The following CDC7 variants were observed in gnomAD, a reference collection of about 807,000 sequenced individuals.
CDC7 encodes the protein cell division cycle 7-related protein kinase.
Under a neutral mutation model 53.5 loss-of-function variants are expected in CDC7, and 34 were observed. The observed-to-expected ratio is 0.64, with a 90% CI of 0.48 to 0.85. The LOEUF (loss-of-function observed/expected upper bound fraction) is 0.85. CDC7 is among the 40% of genes least tolerant of loss of function. The pLI is 0.00. For synonymous variants in CDC7, 211 were observed against 222.8 expected, an observed-to-expected ratio of 0.95 and a Z score of 0.47; for missense variants, 594 against 679.7, an observed-to-expected ratio of 0.87 and a Z score of 1.40.
rs926515299 is a variant in CDC7 at position 91,520,864 on chromosome 1, A to G, written c.1330+585A>G. Among the ~76,000 whole-genome samples, 6 of 152,206 alleles carry G rather than the reference A, an allele frequency of 3.9e-5. No individual in the cohort carries two copies. In the East Asian group the frequency reaches 7.7e-4, roughly 20 times the overall value. On this transcript the variant is annotated intron_variant, in intron 11 of 11. Transcript: ENST00000234626. ...ACTGATGGGATATTATTGTAAGCAT[A>G]TATTGGACTTGGATGTCATCTCCTT...
chr1:91,516,910 C>A (rs1667588372), intron 10 of CDC7, among the ~76,000 whole-genome samples: 1 of 152,038 alleles, frequency 6.6e-6, no homozygotes. Context: ...ACTAAAAATA[C>A]AAAAATCAGC....
intron 2 of CDC7, among the ~76,000 whole-genome samples, chr1:91,504,173 T>C (rs1031792120): frequency 2.0e-5 from 3 of 151,666 alleles, no homozygotes; most frequent in Non-Finnish European, 2.9e-5. Flanking sequence ...GTGGTGCAAT[T>C]ACAGCTCACT....
intron 2 of CDC7, among the ~76,000 whole-genome samples, chr1:91,503,973 A>G (rs1296512871): frequency 6.6e-6 from 1 of 152,108 alleles, no homozygotes; most frequent in East Asian, 1.9e-4. Flanking sequence ...TTATATTATA[A>G]TATATTCAAT....
intron 11 of CDC7, among the ~76,000 whole-genome samples, chr1:91,520,563 A>T (rs1029654946): frequency 6.6e-6 from 1 of 152,140 alleles, no homozygotes; most frequent in Non-Finnish European, 1.5e-5. Context: ...AACTCCTTTT[A>T]GTTATGGTTT....
Position 91,511,619 on chromosome 1 carries a change from G to A in CDC7, c.358G>A (p.Val120Ile), listed in dbSNP as rs1389303499. 4 of 1,606,962 alleles carry A rather than the reference G, an allele frequency of 2.5e-6. No homozygotes were observed. Among genetic ancestry groups the A allele is most frequent in the Non-Finnish European group, 3.4e-6 (4 of 1,174,618 alleles). ...TAGGGGGCAAGATAATGTCATGGGA[G>A]TTAAATACTGCTTTAGGAAGAATGA... ...VAGGQDNVMG[V>I]KYCFRKNDHV... Residue 120 changes from valine (V) to isoleucine (I), a missense_variant, in exon 5 of 12, where the codon GTT becomes ATT. Val to Ile is a conservative substitution (Grantham distance 29). Transcript: ENST00000234626.
intron 11 of CDC7, among the ~76,000 whole-genome samples, chr1:91,521,935 G>A (rs1667969161): frequency 6.6e-6 from 1 of 152,128 alleles, no homozygotes; most frequent in Non-Finnish European, 1.5e-5. Flanking sequence ...GAGAGGCTTA[G>A]GTGGGCAGAT....
At chr1:91,505,708 G>C (rs1038224246) in intron 2 of CDC7, among the ~76,000 whole-genome samples, 1 of 152,148 alleles carries the variant, frequency 6.6e-6, no homozygotes, top group African/African-American at 2.4e-5. Context: ...GCTTTCTGCT[G>C]TCATTTCCCA....
intron 2 of CDC7, among the ~76,000 whole-genome samples, chr1:91,503,555 T>A (rs1666819988): frequency 6.6e-6 from 1 of 152,194 alleles, no homozygotes; most frequent in African/African-American, 2.4e-5. Context: ...ACATAGTAGG[T>A]GCTTGAAAAT....
At chr1:91,504,516 C>T (rs1271632344) in intron 2 of CDC7, among the ~76,000 whole-genome samples, 2 of 152,146 alleles carry the variant, frequency 1.3e-5, no homozygotes, top group Admixed American at 1.3e-4. Context: ...TGAAAGTCTC[C>T]TCCATACTGG....
intron 6 of CDC7, among the ~76,000 whole-genome samples, chr1:91,512,564 A>T (rs566936950): frequency 1.3e-5 from 2 of 152,224 alleles, no homozygotes; most frequent in Admixed American, 6.5e-5. Flanking sequence ...TTATAGAGAA[A>T]TTATAAGCTA....
intron 2 of CDC7, among the ~76,000 whole-genome samples, chr1:91,503,952 T>G (rs13447470): frequency 6.6e-6 from 1 of 152,112 alleles, no homozygotes; most frequent in Non-Finnish European, 1.5e-5. Flanking sequence ...GGATTTAAGG[T>G]CCATTGCATA....
intron 4 of CDC7, among the ~76,000 whole-genome samples, chr1:91,509,110 T>C (rs1294366922): frequency 6.6e-6 from 1 of 152,182 alleles, no homozygotes; most frequent in East Asian, 1.9e-4. Context: ...GCCTTTCATT[T>C]TCAGTGTCTT....
chr1:91,506,645 G>C (rs777693158), intron 2 of CDC7, among the ~76,000 whole-genome samples: 1 of 151,960 alleles, frequency 6.6e-6, no homozygotes, highest in Non-Finnish European at 1.5e-5. Context: ...TTAAGACAGC[G>C]TTTATTTAAA....
chr1:91,517,704 G>A (rs1370764065), intron 10 of CDC7, among the ~76,000 whole-genome samples: 3 of 152,108 alleles, frequency 2.0e-5, no homozygotes, highest in African/African-American at 2.4e-5. Flanking sequence ...ATCAGGGAGA[G>A]TATACAGAGG....
chr1:91,517,334 G>A (rs1299837745), intron 10 of CDC7, among the ~76,000 whole-genome samples: 2 of 152,118 alleles, frequency 1.3e-5, no homozygotes, highest in Admixed American at 1.3e-4. Flanking sequence ...ATTGGTAATA[G>A]GAATGAAAAG....
At chr1:91,506,525 A>C (rs892924440) in intron 2 of CDC7, among the ~76,000 whole-genome samples, 14 of 152,224 alleles carry the variant, frequency 9.2e-5, no homozygotes, top group African/African-American at 3.1e-4. Flanking sequence ...CTTTTATTAC[A>C]GGTGTCACCT....
rs369644570 is a variant in CDC7 at position 91,524,362 on chromosome 1, A to G, written c.1652A>G (p.Asp551Gly). ...TATGACCTGCTTGATAAACTTCTAG[A>G]TCTAAATCCAGCTTCAAGAATAACA... Reference protein sequence around the residue: ...EAYDLLDKLLDLNPASRITAE... With the variant: ...EAYDLLDKLLGLNPASRITAE... The change falls in exon 12 of 12, where the codon GAT (aspartate) becomes GGT (glycine). Residue 551 changes from aspartate (D) to glycine (G), a missense_variant. Coordinates refer to ENST00000234626, the MANE Select transcript of CDC7 (RefSeq NM_003503.4). 1.8e-5 allele frequency: 29 copies of G among 1,613,344 alleles called. No individual in the cohort carries two copies. The African/African-American group carries it at 3.5e-4, about 19-fold the overall frequency.
chr1:91,513,794 C>T (rs926280857), intron 7 of CDC7, among the ~76,000 whole-genome samples, 154 bp from the exon 8 acceptor site: 1 of 152,074 alleles, frequency 6.6e-6, no homozygotes, highest in Non-Finnish European at 1.5e-5. Flanking sequence ...ACTATTTTCT[C>T]CTTTCACAGA....
rs1406246947 is a variant in CDC7, at chr1:91,514,862, T to C, written c.962T>C (p.Leu321Ser). The C allele has an allele frequency of 1.2e-6, 2 of 1,613,124 alleles. No homozygotes were observed. Among genetic ancestry groups the C allele is most frequent in the African/African-American group, 1.3e-5 (1 of 75,004 alleles). The change falls in exon 9 of 12, where the codon TTA becomes TCA. Residue 321 changes from leucine (L) to serine (S), a missense_variant. Physicochemically the swap from Leu to Ser is moderately radical, Grantham distance 145. Transcript: ENST00000234626. ...ACTGTGGATGTACTGTCTAGAAAGTTAGCAACAAAAAAGAAGGCTATTTCT... is the reference window on the plus strand; with the variant it reads ...ACTGTGGATGTACTGTCTAGAAAGTCAGCAACAAAAAAGAAGGCTATTTCT... The part of the protein sequence containing the change: ...SKTVDVLSRK[L>S]ATKKKAISTK...
Sources: allele counts gnomAD v4.1 joint callset (sites outside exome capture counted in the v4.1 genomes callset), GRCh38; gene constraint gnomAD v4.1.1; transcripts MANE v1.5; gene names NCBI Gene and HGNC (gene_info 2026-07-23, HGNC 2026-07-21).